Variants in ASCC3 observed in about 807,000 individuals in gnomAD.
ASCC3 encodes the protein activating signal cointegrator 1 complex subunit 3.
A neutral mutation model predicts 256.3 loss-of-function variants in ASCC3; 158 were observed. The observed-to-expected ratio is 0.62, with a 90% CI of 0.54 to 0.70. The LOEUF is 0.70. Ranked by LOEUF, ASCC3 falls within the 30% of genes least tolerant of loss-of-function variation. The pLI is 0.00. For missense variants in ASCC3, 2,259 were observed against 2,626.0 expected, an observed-to-expected ratio of 0.86 and a Z score of 3.05; for synonymous variants, 948 against 883.4, an observed-to-expected ratio of 1.07 and a Z score of -1.30.
intron 12 of ASCC3, 52 bp from the exon 13 acceptor site, chr6:100,715,585 C>G (rs750484684): frequency 1.3e-6 from 2 of 1,509,670 alleles, no homozygotes; most frequent in Non-Finnish European, 1.8e-6. Flanking sequence ...TATAAACTTT[C>G]TAACTACAAA....
chr6:100,630,482 GT>G (rs1388767954), intron 26 of ASCC3, among the ~76,000 whole-genome samples: 113 of 128,278 alleles, frequency 8.8e-4, no homozygotes, highest in East Asian at 1.4e-3. Context: ...TTTTTTTTTT[GT>G]TTTTTTTTTT....
At chr6:100,711,414 T>A (rs1778846529) in intron 13 of ASCC3, among the ~76,000 whole-genome samples, 4 of 152,204 alleles carry the variant, frequency 2.6e-5, no homozygotes, top group African/African-American at 9.6e-5. Context: ...AAGAAATATT[T>A]AAGAGTACTC....
In ASCC3 at chr6:100,601,854, A is replaced by G; in HGVS notation, c.5259T>C (p.Tyr1753=). ...GTCGGAAAAAGTAAGTCCAGGTGAT[A>G]TAATCCAATGCATCTTGCTTAGATG... The part of the protein sequence containing the change: ...TITSKQDALD[Y]ITWTYFFRRL... Residue 1753 remains tyrosine, a synonymous_variant, in exon 34 of 42, where the codon TAT becomes TAC. Transcript: ENST00000369162. The G allele has an allele frequency of 1.2e-6, 2 of 1,612,752 alleles. No individual in the cohort carries two copies. The highest frequency in any genetic ancestry group is 1.7e-6 in the Non-Finnish European group (2 of 1,179,018).
chr6:100,607,255 C>T (rs193189224), intron 30 of ASCC3, among the ~76,000 whole-genome samples, 167 bp from the exon 31 acceptor site: 1 of 152,010 alleles, frequency 6.6e-6, no homozygotes, highest in Admixed American at 6.6e-5. Flanking sequence ...AAAAGAATAT[C>T]TACTTGGTGA....
At chr6:100,672,388 G>A (rs1776798596) in intron 14 of ASCC3, among the ~76,000 whole-genome samples, 1 of 151,846 alleles carries the variant, frequency 6.6e-6, no homozygotes, top group African/African-American at 2.4e-5. Context: ...TGCCTGGACT[G>A]GAATATAATT....
At chr6:100,713,101 C>T (rs986407650) in intron 13 of ASCC3, among the ~76,000 whole-genome samples, 4 of 152,058 alleles carry the variant, frequency 2.6e-5, no homozygotes, top group African/African-American at 4.8e-5. Flanking sequence ...TGATAACTTA[C>T]GTCCGGACAA....
chr6:100,524,203 T>C (rs1179816401), intron 37 of ASCC3, among the ~76,000 whole-genome samples: 5 of 152,128 alleles, frequency 3.3e-5, no homozygotes, highest in African/African-American at 1.2e-4. Flanking sequence ...TCTGTCTTGC[T>C]TCAAAAAGAA....
intron 8 of ASCC3, among the ~76,000 whole-genome samples, chr6:100,779,700 G>T (rs994486369): frequency 1.3e-5 from 2 of 152,180 alleles, no homozygotes; most frequent in African/African-American, 4.8e-5. Context: ...AGGCCTTAGA[G>T]ACCTTGGGAC....
chr6:100,643,250 T>C (rs939259832), intron 23 of ASCC3, among the ~76,000 whole-genome samples: 5 of 152,186 alleles, frequency 3.3e-5, no homozygotes, highest in Non-Finnish European at 7.4e-5. Context: ...AAGCTTGCTT[T>C]ATCTTTGATA....
At chr6:100,764,225 T>G (rs1781542428) in intron 10 of ASCC3, among the ~76,000 whole-genome samples, 2 of 152,200 alleles carry the variant, frequency 1.3e-5, no homozygotes, top group South Asian at 4.1e-4. Context: ...AGCACAGACT[T>G]TGTGCACTAG....
chr6:100,758,898 C>T (rs1202456488), intron 10 of ASCC3, among the ~76,000 whole-genome samples: 1 of 152,166 alleles, frequency 6.6e-6, no homozygotes, highest in Admixed American at 6.5e-5. Context: ...GCCTTGCTAG[C>T]ATCTGTTGTT....
intron 17 of ASCC3, among the ~76,000 whole-genome samples, chr6:100,653,410 T>C (rs1775764901): frequency 6.6e-6 from 1 of 152,000 alleles, no homozygotes; most frequent in East Asian, 2.0e-4. Context: ...GAGGCCAAGG[T>C]GGGCGGCTCA....
chr6:100,864,890 T>C (rs1284686892), intron 2 of ASCC3, among the ~76,000 whole-genome samples: 1 of 152,182 alleles, frequency 6.6e-6, no homozygotes, highest in Admixed American at 6.5e-5. Flanking sequence ...CTTTCCACTC[T>C]CAAGAACTGA....
chr6:100,517,160 A>T (rs1292376834), intron 38 of ASCC3, among the ~76,000 whole-genome samples: 1 of 151,988 alleles, frequency 6.6e-6, no homozygotes, highest in Non-Finnish European at 1.5e-5. Flanking sequence ...CTGCCCTGGA[A>T]CCCAATATAT....
chr6:100,602,462 C>CAA (rs146986260), intron 33 of ASCC3, among the ~76,000 whole-genome samples: 1 of 149,182 alleles, frequency 6.7e-6, no homozygotes, highest in African/African-American at 2.5e-5. Flanking sequence ...TACAAGCTGA[C>CAA]AAAAAAAAAG....
chr6:100,873,633 C>A (rs1773855381), intron 1 of ASCC3, among the ~76,000 whole-genome samples: 1 of 152,102 alleles, frequency 6.6e-6, no homozygotes, highest in South Asian at 2.1e-4. Context: ...GGCAGAAGCA[C>A]CAGGTAACCT....
intron 34 of ASCC3, 22 bp from the exon 35 acceptor site, chr6:100,590,081 T>C (rs1445581450): frequency 2.0e-6 from 3 of 1,534,458 alleles, no homozygotes; most frequent in East Asian, 2.3e-5. Context: ...GCAAGGTTAT[T>C]ATTATTTGTT....
At chr6:100,599,706 C>T (rs754114113) in intron 34 of ASCC3, among the ~76,000 whole-genome samples, 2 of 151,352 alleles carry the variant, frequency 1.3e-5, no homozygotes, top group African/African-American at 4.9e-5. Context: ...ATACAAAGGG[C>T]AACGTATCTG....
chr6:100,776,647 T>A (rs551570674), intron 8 of ASCC3, among the ~76,000 whole-genome samples: 1 of 152,162 alleles, frequency 6.6e-6, no homozygotes, highest in South Asian at 2.1e-4. Flanking sequence ...GAGTGCGCAC[T>A]CTATTTTTAA....
Sources: allele counts gnomAD v4.1 joint callset (sites outside exome capture counted in the v4.1 genomes callset), GRCh38; gene constraint gnomAD v4.1.1; transcripts MANE v1.5; gene names NCBI Gene and HGNC (gene_info 2026-07-23, HGNC 2026-07-21).